Variants in ACACA observed in about 807,000 individuals in gnomAD.
ACACA encodes the protein acetyl-CoA carboxylase 1.
In ACACA, 103 loss-of-function variants were observed where a neutral mutation model predicts 296.1. That is an observed-to-expected ratio of 0.35 (90% CI 0.30 to 0.41). The LOEUF is 0.41. Ranked by LOEUF, ACACA falls within the 10% of genes least tolerant of loss-of-function variation. ACACA has a pLI of 1.00. For missense variants in ACACA, 1,554 were observed against 2,989.7 expected (o/e 0.52, Z 11.20); for synonymous variants, 953 against 1,038.6 (o/e 0.92, Z 1.58).
At chr17:37,371,525 C>T (rs908533175) in intron 1 of ACACA, among the ~76,000 whole-genome samples, 1 of 151,994 alleles carries the variant, frequency 6.6e-6, no homozygotes, top group Admixed American at 6.6e-5. Flanking sequence ...CATATGTTCA[C>T]CTTTTCAGTA....
In ACACA at chr17:37,132,498, G is replaced by A. The variant is rs185523018; in HGVS notation, c.5680-2280C>T. On this transcript the variant is annotated intron_variant, in intron 45 of 55. Transcript: ENST00000616317. ...GGACAGACTGCCTCTCTGTTAGAAG[G>A]CATTCAGTGTGATCAGCAGTATTTT... 2.8e-4 allele frequency among the ~76,000 whole-genome samples: 42 copies of A among 152,272 alleles called. No individual in the cohort carries two copies. The East Asian group carries it at 7.5e-3, about 27-fold the overall frequency.
intron 3 of ACACA, among the ~76,000 whole-genome samples, chr17:37,294,642 T>C (rs567440903): frequency 1.2e-4 from 19 of 152,322 alleles, no homozygotes; most frequent in Non-Finnish European, 2.6e-4. Flanking sequence ...TGCAACTCCA[T>C]CCCACTTTCC....
intron 50 of ACACA, among the ~76,000 whole-genome samples, chr17:37,119,954 G>A (rs1224424493): frequency 1.4e-4 from 20 of 145,980 alleles, no homozygotes; most frequent in Non-Finnish European, 2.2e-4. Flanking sequence ...GTGCAGTGGT[G>A]CAATCTCGGC....
chr17:37,381,938 A>C (rs376174781), intron 1 of ACACA, among the ~76,000 whole-genome samples: 1 of 152,054 alleles, frequency 6.6e-6, no homozygotes, highest in Admixed American at 6.6e-5. Context: ...TGTCTCTTCT[A>C]TATTCTACTA....
intron 1 of ACACA, among the ~76,000 whole-genome samples, chr17:37,347,147 C>T (rs1296676363): frequency 6.6e-6 from 1 of 152,042 alleles, no homozygotes; most frequent in Non-Finnish European, 1.5e-5. Flanking sequence ...CCATGCTGTT[C>T]TCGTGTTAGT....
intron 1 of ACACA, among the ~76,000 whole-genome samples, chr17:37,344,394 C>T (rs555934075): frequency 6.6e-6 from 1 of 151,236 alleles, no homozygotes; most frequent in Non-Finnish European, 1.5e-5. Flanking sequence ...CCAGTCTCTA[C>T]TAAAAACACA....
intron 1 of ACACA, among the ~76,000 whole-genome samples, chr17:37,363,765 C>T (rs190173053): frequency 1.4e-4 from 21 of 151,828 alleles, no homozygotes; most frequent in Non-Finnish European, 2.6e-4. Context: ...GCGGGTGGAT[C>T]ACCCGAGGTC....
intron 1 of ACACA, among the ~76,000 whole-genome samples, chr17:37,385,627 T>C (rs1243639882): frequency 6.6e-6 from 1 of 152,172 alleles, no homozygotes; most frequent in Non-Finnish European, 1.5e-5. Flanking sequence ...TAAGGCTAAC[T>C]GTGATATTTC....
At chr17:37,252,772 G>A (rs951863982) in intron 15 of ACACA, 114 bp downstream of exon 15, 1 of 1,413,818 alleles carries the variant, frequency 7.1e-7, no homozygotes, top group Non-Finnish European at 9.9e-7. Flanking sequence ...ATTTTTCCAG[G>A]TAGATCAAGA....
chr17:37,158,631 A>T (rs2076345488), intron 42 of ACACA, among the ~76,000 whole-genome samples: 2 of 152,090 alleles, frequency 1.3e-5, no homozygotes, highest in African/African-American at 4.8e-5. Context: ...CCCTGTCTCA[A>T]AAAAACAAAA....
chr17:37,342,982 T>G (rs995363042), intron 1 of ACACA, among the ~76,000 whole-genome samples: 1 of 152,090 alleles, frequency 6.6e-6, no homozygotes, highest in African/African-American at 2.4e-5. Context: ...AGAAATTTTT[T>G]TTTTCTTTTT....
intron 50 of ACACA, among the ~76,000 whole-genome samples, chr17:37,114,993 C>G (rs796706812): frequency 5.3e-5 from 8 of 152,342 alleles, no homozygotes; most frequent in African/African-American, 1.4e-4. Flanking sequence ...TCAGTGAGCA[C>G]AGTTCACTGC....
intron 2 of ACACA, among the ~76,000 whole-genome samples, chr17:37,332,394 C>G (rs2047924875): frequency 6.6e-6 from 1 of 152,012 alleles, no homozygotes; most frequent in Non-Finnish European, 1.5e-5. Flanking sequence ...TTTCTTCTGT[C>G]ATCTCAAAAA....
chr17:37,330,070 A>G lies in ACACA; in HGVS notation c.338+103T>C, dbSNP rs2047803087. 3 of 1,447,282 alleles carry G rather than the reference A, an allele frequency of 2.1e-6. No individual in the cohort carries two copies. In the South Asian group the frequency reaches 3.5e-5, roughly 17 times the overall value. 89.7% of individuals were successfully genotyped at this position (1,447,282 alleles called of 1,614,324 possible). A position where few individuals can be genotyped will look rare whatever the true frequency, so the allele number is the denominator to read the frequency against. On this transcript the variant is annotated intron_variant, in intron 3 of 55. Transcript: ENST00000616317. ...GCTTTGAGTTCAGTGACATAGGAAA[A>G]GGCAAAGCAGTCTTAGCTGAAATCA...
intron 29 of ACACA, among the ~76,000 whole-genome samples, chr17:37,211,660 G>A (rs1348960977): frequency 6.6e-6 from 1 of 152,158 alleles, no homozygotes. Context: ...AAGATAGAGG[G>A]AGGAAAACGA....
intron 39 of ACACA, among the ~76,000 whole-genome samples, chr17:37,184,610 GA>G (rs2077453924): frequency 6.6e-6 from 1 of 152,186 alleles, no homozygotes; most frequent in Admixed American, 6.5e-5. Context: ...AGCACTTTGG[GA>G]GGCCAAGGTG....
chr17:37,405,687 G>C (rs927094507), intron 1 of ACACA, among the ~76,000 whole-genome samples: 4 of 151,864 alleles, frequency 2.6e-5, no homozygotes, highest in Admixed American at 6.6e-5. Context: ...GGAGTAGCTG[G>C]GATTACAGGT....
intron 1 of ACACA, among the ~76,000 whole-genome samples, chr17:37,367,953 GCT>G (rs1160168263): frequency 2.0e-5 from 3 of 152,164 alleles, no homozygotes; most frequent in Non-Finnish European, 4.4e-5. Flanking sequence ...TATAGTCCTA[GCT>G]ACTTGGGAGG....
In ACACA at chr17:37,314,390, C is replaced by T. The variant is rs532526241; in HGVS notation, c.338+15783G>A. On this transcript the variant is annotated intron_variant, in intron 3 of 55. Coordinates refer to ENST00000616317, the MANE Select transcript of ACACA (RefSeq NM_198834.3). ...CTGGGATTACAGGCATGAGCCACTG[C>T]GCCCGACCACTCTACTATATATTCT... Among the ~76,000 whole-genome samples the T allele has an allele frequency of 3.9e-5, 6 of 152,168 alleles. No homozygotes were observed. The East Asian group carries it at 7.7e-4, about 20-fold the overall frequency.
Sources: allele counts gnomAD v4.1 joint callset (sites outside exome capture counted in the v4.1 genomes callset), GRCh38; gene constraint gnomAD v4.1.1; transcripts MANE v1.5; gene names NCBI Gene and HGNC (gene_info 2026-07-23, HGNC 2026-07-21).